Variants in LRP1B observed in about 807,000 individuals in gnomAD.
LRP1B encodes the protein low-density lipoprotein receptor-related protein 1B.
In LRP1B, 217 loss-of-function variants were observed where a neutral mutation model predicts 556.6. The observed-to-expected ratio is 0.39, with a 90% confidence interval of 0.35 to 0.44. The LOEUF is 0.44. LRP1B is among the 20% of genes least tolerant of loss of function. The pLI, the probability that LRP1B is intolerant of heterozygous loss-of-function variation, is 1.00. For missense variants in LRP1B, 5,053 were observed against 5,620.8 expected, an observed-to-expected ratio of 0.90 and a Z score of 3.23; for synonymous variants, 2,047 against 1,865.8, an observed-to-expected ratio of 1.10 and a Z score of -2.50.
intron 41 of LRP1B, among the ~76,000 whole-genome samples, chr2:140,660,872 T>G (rs1574207369): frequency 2.4e-5 from 1 of 41,110 alleles, no homozygotes; most frequent in Non-Finnish European, 3.9e-5. Flanking sequence ...TCTTTTTGTG[T>G]TTTTTTTTTT....
intron 32 of LRP1B, among the ~76,000 whole-genome samples, chr2:140,794,133 G>T (rs1690215977): frequency 6.6e-6 from 1 of 151,982 alleles, no homozygotes; most frequent in African/African-American, 2.4e-5. Flanking sequence ...ATTGTATTTG[G>T]AATTTAAAGA....
chr2:140,624,575 A>C (rs1344484211), intron 41 of LRP1B, among the ~76,000 whole-genome samples: 1 of 152,118 alleles, frequency 6.6e-6, no homozygotes, highest in Non-Finnish European at 1.5e-5. Context: ...ATATTCCCTA[A>C]GTCATTAAAA....
chr2:141,418,087 T>A (rs1261068551), intron 3 of LRP1B, among the ~76,000 whole-genome samples: 2 of 152,126 alleles, frequency 1.3e-5, no homozygotes, highest in African/African-American at 4.8e-5. Context: ...AAAATCAGGT[T>A]TTTAGTTGTT....
intron 6 of LRP1B, among the ~76,000 whole-genome samples, chr2:141,210,003 C>CTG (rs1236739881): frequency 6.6e-6 from 1 of 151,750 alleles, no homozygotes; most frequent in Non-Finnish European, 1.5e-5. Flanking sequence ...CTCCCAAATA[C>CTG]TGTGGTAGGG....
At chr2:140,951,801 G>T in intron 19 of LRP1B, 59 bp downstream of exon 19, 2 of 1,367,354 alleles carry the variant, frequency 1.5e-6, no homozygotes, top group Non-Finnish European at 2.1e-6. Context: ...AAGCCAGGCA[G>T]TCCAGACCGC....
intron 67 of LRP1B, 58 bp from the exon 68 acceptor site, chr2:140,378,344 TTA>T: frequency 1.1e-6 from 1 of 886,372 alleles, no homozygotes; most frequent in Non-Finnish European, 1.8e-6. Context: ...ATTGTAAAAT[TTA>T]TATGACATAT....
rs534129412 is a variant in LRP1B, at chr2:141,791,376, T to C, written c.205+18903A>G. The stretch of plus-strand genomic sequence containing the variant: ...TGCTCTATTTATATGGATTGAGCTA[T>C]ATACACACACACACAACCTGGGAAT... On this transcript the variant is annotated intron_variant, in intron 2 of 90. Transcript: ENST00000389484. 3.3e-5 allele frequency among the ~76,000 whole-genome samples: 5 copies of C among 152,152 alleles called. No individual in the cohort carries two copies. In the East Asian group the frequency reaches 9.7e-4, roughly 29 times the overall value.
Position 140,485,354 on chromosome 2 carries a change from A to T in LRP1B, c.9414T>A (p.Asp3138Glu), listed in dbSNP as rs2105362503. The change falls in exon 59 of 91, where the codon GAT (aspartate) becomes GAA (glutamate). Residue 3138 changes from aspartate (D) to glutamate (E), a missense_variant. Coordinates refer to ENST00000389484, the MANE Select transcript of LRP1B (RefSeq NM_018557.3). ...CAGTTTTTACAAACCCAGCTTGAGGATCTAAAGACAAGTCTCTGGGAAACT... is the reference window on the plus strand; with the variant it reads ...CAGTTTTTACAAACCCAGCTTGAGGTTCTAAAGACAAGTCTCTGGGAAACT... ...RLKFPRDLSLDPQAGYLYWID... is the reference protein window; with the variant it reads ...RLKFPRDLSLEPQAGYLYWID... 6.2e-7 allele frequency: 1 copy of T among 1,609,448 alleles called. No homozygotes were observed. The highest frequency in any genetic ancestry group is 8.5e-7 in the Non-Finnish European group (1 of 1,178,530).
At chr2:141,259,606 G>A (rs1171977911) in intron 3 of LRP1B, among the ~76,000 whole-genome samples, 6 of 152,186 alleles carry the variant, frequency 3.9e-5, no homozygotes, top group Non-Finnish European at 4.4e-5. Context: ...ACAATGGAAA[G>A]AGCCTGAAAC....
At chr2:140,254,766 C>T (rs1681604220) in intron 86 of LRP1B, among the ~76,000 whole-genome samples, 1 of 152,038 alleles carries the variant, frequency 6.6e-6, no homozygotes, top group South Asian at 2.1e-4. Context: ...GTTGGTCAGG[C>T]TGGTCTCAAA....
chr2:140,840,316 T>G (rs764532262), intron 30 of LRP1B, among the ~76,000 whole-genome samples: 6 of 152,164 alleles, frequency 3.9e-5, no homozygotes, highest in Non-Finnish European at 8.8e-5. Flanking sequence ...AATATCTCAC[T>G]TCCTTTTTCC....
rs539080547 is a variant in LRP1B at position 140,328,404 on chromosome 2, C to G, written c.12224-2526G>C. On this transcript the variant is annotated intron_variant, in intron 79 of 90. Coordinates refer to ENST00000389484, the MANE Select transcript of LRP1B (RefSeq NM_018557.3). ...ATTTTAGGGATTTTAAAATTTCACT[C>G]TTGTCAAACTCTAAAATTTTCTAAG... Among the ~76,000 whole-genome samples, 39 of 151,596 alleles carry G rather than the reference C, an allele frequency of 2.6e-4. 1 individual carries two copies. In the East Asian group the frequency reaches 7.6e-3, roughly 30 times the overall value.
intron 3 of LRP1B, among the ~76,000 whole-genome samples, chr2:141,337,260 C>T (rs979365947): frequency 2.6e-5 from 4 of 152,114 alleles, no homozygotes; most frequent in Non-Finnish European, 4.4e-5. Flanking sequence ...AGTGGTATGT[C>T]ATCCTGTTTT....
intron 2 of LRP1B, among the ~76,000 whole-genome samples, chr2:141,754,829 A>G (rs116131971): frequency 0.014 from 2,099 of 152,300 alleles, 47 homozygotes; most frequent in African/African-American, 0.048. Context: ...ATGAAATCAT[A>G]TATCTTGACA....
intron 1 of LRP1B, among the ~76,000 whole-genome samples, chr2:142,058,796 C>G (rs1704783354): frequency 6.6e-6 from 1 of 152,024 alleles, no homozygotes; most frequent in Non-Finnish European, 1.5e-5. Flanking sequence ...ATTCTCTCCC[C>G]TCTCCCCTAC....
At chr2:140,766,382 C>T (rs12469882) in intron 35 of LRP1B, among the ~76,000 whole-genome samples, 13,126 of 151,918 alleles carry the variant, frequency 0.086, 910 homozygotes, top group African/African-American at 0.18. Flanking sequence ...GACACTTATT[C>T]TGATCCTAAT....
intron 2 of LRP1B, among the ~76,000 whole-genome samples, chr2:141,703,330 C>T (rs1692016950): frequency 6.6e-6 from 1 of 151,846 alleles, no homozygotes; most frequent in African/African-American, 2.4e-5. Flanking sequence ...GGTGATAAAG[C>T]ATAATTACCT....
At chr2:140,692,589 G>C (rs1251133208) in intron 41 of LRP1B, among the ~76,000 whole-genome samples, 1 of 152,082 alleles carries the variant, frequency 6.6e-6, no homozygotes, top group Non-Finnish European at 1.5e-5. Context: ...TAGTTGGAGA[G>C]ATTGACTATA....
intron 35 of LRP1B, among the ~76,000 whole-genome samples, chr2:140,749,441 A>G (rs888898120): frequency 3.3e-5 from 5 of 151,842 alleles, no homozygotes; most frequent in African/African-American, 1.2e-4. Context: ...GCTGTAAAAA[A>G]TTTTTTTTCT....
Sources: gnomAD v4.1 joint callset for allele counts (sites outside exome capture counted in the v4.1 genomes callset) on GRCh38, gnomAD v4.1.1 for gene constraint, MANE v1.5 for transcripts, NCBI Gene and HGNC (gene_info 2026-07-23, HGNC 2026-07-21) for gene names.